CACNG2: variants seen among roughly 807,000 people sequenced by gnomAD.
CACNG2 encodes the protein calcium voltage-gated channel auxiliary subunit gamma 2.
In CACNG2, 3 loss-of-function variants were observed where a neutral mutation model predicts 25.9. The observed-to-expected ratio is 0.12, with a 90% CI of 0.05 to 0.30. The LOEUF (loss-of-function observed/expected upper bound fraction) is 0.30, where lower values mean the gene tolerates loss of function less well. Ranked by LOEUF, CACNG2 falls within the 10% of genes least tolerant of loss-of-function variation. The pLI is 1.00. For synonymous variants in CACNG2, 167 were observed against 173.3 expected (o/e 0.96, Z 0.29); for missense variants, 341 against 432.5 (o/e 0.79, Z 1.88).
intron 1 of CACNG2, among the ~76,000 whole-genome samples, chr22:36,618,447 C>A (rs1936056543): frequency 6.6e-6 from 1 of 152,236 alleles, no homozygotes; most frequent in African/African-American, 2.4e-5. Flanking sequence ...CCGGCTCTAC[C>A]TCTCTGCCTT....
In CACNG2 at chr22:36,703,558, C is replaced by G. The variant is rs1937442665; in HGVS notation, c.-982G>C. ...CTGAACCGGACAGCTCCCTGCGCCG[C>G]CCGCTCCGCGCGCTCCCCGGCTGGC... On this transcript the variant is annotated 5_prime_UTR_variant, in exon 1 of 4. Coordinates refer to ENST00000300105, the MANE Select transcript of CACNG2 (RefSeq NM_006078.5). The G allele has an allele frequency of 7.8e-6, 1 of 129,010 alleles. No individual in the cohort carries two copies. Among genetic ancestry groups the G allele is most frequent in the Admixed American group, 7.8e-5 (1 of 12,848 alleles). The allele number at this position is 129,010 out of a possible 1,614,324, so 8.0% of individuals were successfully genotyped here. A position where few individuals can be genotyped will look rare whatever the true frequency, so the allele number is the denominator to read the frequency against.
chr22:36,607,963 T>C (rs866662939), intron 1 of CACNG2, among the ~76,000 whole-genome samples: 1 of 152,080 alleles, frequency 6.6e-6, no homozygotes, highest in East Asian at 1.9e-4. Flanking sequence ...GAGACTAGGG[T>C]GAGACATCTA....
rs555557274 is a variant in CACNG2 at position 36,686,756 on chromosome 22, C to T, written c.211+15610G>A. On this transcript the variant is annotated intron_variant, in intron 1 of 3. Coordinates refer to ENST00000300105, the MANE Select transcript of CACNG2 (RefSeq NM_006078.5). ...TCCCTGCACTGCCACTTGCTGACTC[C>T]GTGGCATGACCAAGTCCCTTCCTTT... Among the ~76,000 whole-genome samples the T allele has an allele frequency of 3.9e-5, 6 of 152,318 alleles. 1 individual carries two copies. In the South Asian group the frequency reaches 1.0e-3, roughly 26 times the overall value.
At position 36,563,271 on chromosome 22, in the gene CACNG2, TG is replaced by T. The variant is rs1371881217; in HGVS notation, c.*1079del. ...TCAATGAACCCCCTTCCCAGGGGAC[TG>T]GGGGGCTTATGAGTCAGGGGGTCCA... On this transcript the variant is annotated 3_prime_UTR_variant, in exon 4 of 4. Coordinates refer to ENST00000300105, the MANE Select transcript of CACNG2 (RefSeq NM_006078.5). 6.6e-6 allele frequency among the ~76,000 whole-genome samples: 1 copy of T among 151,834 alleles called. No homozygotes were observed. The highest frequency in any genetic ancestry group is 2.0e-4 in the East Asian group (1 of 5,128).
At chr22:36,655,773 T>C (rs1256003309) in intron 1 of CACNG2, among the ~76,000 whole-genome samples, 1 of 145,540 alleles carries the variant, frequency 6.9e-6, no homozygotes, top group Non-Finnish European at 1.5e-5. Flanking sequence ...TTTCTCTTTC[T>C]TTCCTTCCTT....
At chr22:36,601,774 C>T (rs914023567) in intron 1 of CACNG2, among the ~76,000 whole-genome samples, 15 of 152,148 alleles carry the variant, frequency 9.9e-5, no homozygotes, top group Admixed American at 2.0e-4. Flanking sequence ...TGAGCCACTG[C>T]GCCTGGGGAG....
chr22:36,586,423 C>A (rs988220172), intron 2 of CACNG2, among the ~76,000 whole-genome samples: 1 of 152,188 alleles, frequency 6.6e-6, no homozygotes, highest in African/African-American at 2.4e-5. Flanking sequence ...AAAAAAGAAT[C>A]TAAAAATTGC....
chr22:36,579,881 C>G (rs1050202401), intron 2 of CACNG2, among the ~76,000 whole-genome samples: 1 of 152,198 alleles, frequency 6.6e-6, no homozygotes, highest in Admixed American at 6.5e-5. Context: ...TTCTGACCAC[C>G]CTGTTGCAAA....
At chr22:36,579,500 C>G (rs972336823) in intron 2 of CACNG2, among the ~76,000 whole-genome samples, 3 of 151,972 alleles carry the variant, frequency 2.0e-5, no homozygotes, top group African/African-American at 4.8e-5. Context: ...CTACCGGGCC[C>G]GAGCACCTGC....
In CACNG2 at chr22:36,609,421, C is replaced by T. The variant is rs868392267; in HGVS notation, c.212-21873G>A. 1.9e-3 allele frequency among the ~76,000 whole-genome samples: 207 copies of T among 107,922 alleles called. 1 individual carries two copies. Among genetic ancestry groups the T allele is most frequent in the African/African-American group, 7.7e-3 (198 of 25,858 alleles). The allele number at this position is 107,922 out of a possible 152,430, so 70.8% of individuals were successfully genotyped here. ...CCAGAGCGTGATCGGGAGGAATCAGCCCCCCAGAGCGTGATCCGGCAGGAA... is the reference window on the plus strand; with the variant it reads ...CCAGAGCGTGATCGGGAGGAATCAGTCCCCCAGAGCGTGATCCGGCAGGAA... On this transcript the variant is annotated intron_variant, in intron 1 of 3. Coordinates refer to ENST00000300105, the MANE Select transcript of CACNG2 (RefSeq NM_006078.5).
chr22:36,571,884 A>AC (rs1298825622), intron 2 of CACNG2, among the ~76,000 whole-genome samples: 7 of 144,728 alleles, frequency 4.8e-5, no homozygotes, highest in African/African-American at 1.5e-4. Flanking sequence ...CTCAAAAACA[A>AC]AAAAAAAAAA....
chr22:36,690,072 G>A (rs1937249198), intron 1 of CACNG2, among the ~76,000 whole-genome samples: 1 of 152,248 alleles, frequency 6.6e-6, no homozygotes, highest in South Asian at 2.1e-4. Flanking sequence ...CGCCCTGTCT[G>A]CGCTGGTGTC....
chr22:36,686,089 C>T (rs183393197), intron 1 of CACNG2, among the ~76,000 whole-genome samples: 1 of 152,322 alleles, frequency 6.6e-6, no homozygotes, highest in African/African-American at 2.4e-5. Flanking sequence ...TCTTTGCCGA[C>T]ATCTGAACTG....
chr22:36,656,299 G>A (rs1936705134), intron 1 of CACNG2, among the ~76,000 whole-genome samples: 1 of 152,180 alleles, frequency 6.6e-6, no homozygotes, highest in Admixed American at 6.5e-5. Flanking sequence ...ATGATTTGGG[G>A]AAGGGAAAGA....
At chr22:36,676,826 G>A (rs1321624941) in intron 1 of CACNG2, among the ~76,000 whole-genome samples, 1 of 152,148 alleles carries the variant, frequency 6.6e-6, no homozygotes, top group African/African-American at 2.4e-5. Flanking sequence ...CACTGCCTGG[G>A]AACATCTGCT....
chr22:36,574,233 G>C (rs571777265), intron 2 of CACNG2, among the ~76,000 whole-genome samples: 1 of 152,216 alleles, frequency 6.6e-6, no homozygotes, highest in Admixed American at 6.5e-5. Context: ...TGGCTCCAGG[G>C]AAGCAGTGAG....
intron 1 of CACNG2, among the ~76,000 whole-genome samples, chr22:36,700,063 C>G (rs1234004887): frequency 6.6e-6 from 1 of 152,262 alleles, no homozygotes; most frequent in Non-Finnish European, 1.5e-5. Context: ...CTGAGGAGAG[C>G]CTGGCAGGGC....
Position 36,696,990 on chromosome 22 carries a change from T to A in CACNG2, c.211+5376A>T, listed in dbSNP as rs1258258909. Among the ~76,000 whole-genome samples, 2 of 152,286 alleles carry A rather than the reference T, an allele frequency of 1.3e-5. 1 individual carries two copies. The highest frequency in any genetic ancestry group is 4.1e-4 in the South Asian group (2 of 4,822). ...TTTCAACGAGACCACAAAAACTTCA[T>A]CTGAAAACTTCTGTGAGTTACGTAG... is the stretch of plus-strand genomic sequence containing the variant. On this transcript the variant is annotated intron_variant, in intron 1 of 3. Coordinates refer to ENST00000300105, the MANE Select transcript of CACNG2 (RefSeq NM_006078.5).
At chr22:36,625,349 C>T (rs1193844416) in intron 1 of CACNG2, among the ~76,000 whole-genome samples, 1 of 152,134 alleles carries the variant, frequency 6.6e-6, no homozygotes, top group Non-Finnish European at 1.5e-5. Context: ...TTTCTTCACT[C>T]TGTAATTTGG....
Sources: allele counts gnomAD v4.1 joint callset (sites outside exome capture counted in the v4.1 genomes callset), GRCh38; gene constraint gnomAD v4.1.1; transcripts MANE v1.5; gene names NCBI Gene and HGNC (gene_info 2026-07-23, HGNC 2026-07-21).